Variants in ZMYND11 observed in about 807,000 individuals in gnomAD.
ZMYND11 encodes the protein zinc finger MYND domain-containing protein 11.
In ZMYND11, 9 loss-of-function variants were observed where a neutral mutation model predicts 84.9. The ratio of observed to expected loss-of-function variants is 0.11; its 90% CI spans 0.06 to 0.18. The LOEUF (loss-of-function observed/expected upper bound fraction) is 0.18. ZMYND11 is among the 10% of genes least tolerant of loss of function. ZMYND11 has a pLI of 1.00. For missense variants in ZMYND11, 409 were observed against 761.0 expected (o/e 0.54, Z 5.44); for synonymous variants, 250 against 244.1 (o/e 1.02, Z -0.23).
upstream of ZMYND11, among the ~76,000 whole-genome samples, chr10:133,309 T>C (rs1554750385): frequency 6.6e-6 from 1 of 152,250 alleles, no homozygotes; most frequent in Non-Finnish European, 1.5e-5. Flanking sequence ...ATTTCTTCTA[T>C]TGTACATTAT....
chr10:131,241 C>T (rs1488592313), upstream of ZMYND11, among the ~76,000 whole-genome samples: 1 of 152,228 alleles, frequency 6.6e-6, no homozygotes, highest in African/African-American at 2.4e-5. Context: ...CTTGAAAAGA[C>T]AGGATCCTAC....
intron 1 of ZMYND11, among the ~76,000 whole-genome samples, chr10:154,388 C>T (rs980047147): frequency 7.2e-5 from 11 of 152,112 alleles, no homozygotes; most frequent in Admixed American, 2.6e-4. Context: ...CCACCATAAA[C>T]GGCAAAATCA....
rs184515572 is a variant in ZMYND11, at chr10:203,397, T to C, written c.117-6492T>C. 3.9e-5 allele frequency among the ~76,000 whole-genome samples: 6 copies of C among 152,054 alleles called. No individual in the cohort carries two copies. In the East Asian group the frequency reaches 5.8e-4, roughly 15 times the overall value. ...ATATCTAGGAAAAACCCAAAAGATATGTACAAATCTTATGGATACAAATTA... is the reference window on the plus strand; with the variant it reads ...ATATCTAGGAAAAACCCAAAAGATACGTACAAATCTTATGGATACAAATTA... On this transcript the variant is annotated intron_variant, in intron 2 of 14. Coordinates refer to ENST00000381604, the MANE Select transcript of ZMYND11 (RefSeq NM_001370100.5).
chr10:165,903 A>G (rs1843895082), intron 1 of ZMYND11, among the ~76,000 whole-genome samples: 1 of 152,148 alleles, frequency 6.6e-6, no homozygotes, highest in African/African-American at 2.4e-5. Context: ...TAGTAATAAT[A>G]TAGATTTATA....
At chr10:134,561 T>C (rs1835457617), upstream of ZMYND11, 1 of 152,280 alleles carries the variant, frequency 6.6e-6, no homozygotes, top group African/African-American at 2.4e-5. Flanking sequence ...ACGGGGAACT[T>C]AGCGTATCCC....
At chr10:244,749 T>C (rs1344928536) in intron 10 of ZMYND11, 4 of 152,238 alleles carry the variant, frequency 2.6e-5, no homozygotes, top group African/African-American at 9.6e-5. Context: ...AAATTGCGGG[T>C]GTTTGCTTTT....
At position 237,589 on chromosome 10, in the gene ZMYND11, T is replaced by C. The variant is rs764863167; in HGVS notation, c.521T>C (p.Ile174Thr). The C allele has an allele frequency of 1.2e-5, 19 of 1,609,780 alleles. No individual in the cohort carries two copies. Among genetic ancestry groups the C allele is most frequent in the Middle Eastern group, 1.7e-4 (1 of 6,050 alleles). ...GATGTACTAACACCCTCTTAGGCTA[T>C]AGATCTTAATAAAAAGGGGAAGGAC... The part of the protein sequence containing the change: ...FIVSRMKERA[I>T]DLNKKGKDNK... Residue 174 changes from isoleucine (I) to threonine (T), a missense_variant, in exon 6 of 15, where the codon ATA becomes ACA. Physicochemically the swap from Ile to Thr is moderately conservative, Grantham distance 89 (BLOSUM62 -1). Coordinates refer to ENST00000381604, the MANE Select transcript of ZMYND11 (RefSeq NM_001370100.5).
At chr10:230,587 A>G (rs750413754) in intron 4 of ZMYND11, among the ~76,000 whole-genome samples, 2 of 151,540 alleles carry the variant, frequency 1.3e-5, no homozygotes, top group Non-Finnish European at 2.9e-5. Flanking sequence ...GTAGGTGGCT[A>G]TGCTCACTAA....
intron 1 of ZMYND11, among the ~76,000 whole-genome samples, chr10:145,359 T>C (rs1168545202): frequency 6.6e-6 from 1 of 152,098 alleles, no homozygotes; most frequent in Non-Finnish European, 1.5e-5. Flanking sequence ...AATAAACATA[T>C]GCACGCAGGT....
intron 1 of ZMYND11, among the ~76,000 whole-genome samples, chr10:137,036 T>G (rs1223571900): frequency 1.3e-5 from 2 of 152,112 alleles, no homozygotes; most frequent in East Asian, 3.8e-4. Context: ...TACATAGTGT[T>G]ATATATGGTG....
At chr10:160,377 G>C (rs1393075731) in intron 1 of ZMYND11, among the ~76,000 whole-genome samples, 2 of 152,216 alleles carry the variant, frequency 1.3e-5, no homozygotes, top group African/African-American at 4.8e-5. Flanking sequence ...GGGAATTGTG[G>C]TCTTTTTGCT....
At chr10:161,737 T>TC (rs1300655966) in intron 1 of ZMYND11, among the ~76,000 whole-genome samples, 2 of 152,216 alleles carry the variant, frequency 1.3e-5, no homozygotes, top group African/African-American at 2.4e-5. Flanking sequence ...TTCTGCAGCT[T>TC]CCTCACGTCT....
chr10:145,477 T>G (rs1457164348), intron 1 of ZMYND11, among the ~76,000 whole-genome samples: 1 of 152,054 alleles, frequency 6.6e-6, no homozygotes, highest in Non-Finnish European at 1.5e-5. Context: ...GTCCGTGCCG[T>G]TTTCTGTAGA....
In ZMYND11 at chr10:142,706, G is replaced by A. The variant is rs377344472; in HGVS notation, c.-20+7147G>A. On this transcript the variant is annotated intron_variant, in intron 1 of 14. Transcript: ENST00000381604. ...CACTTTTATAAGTCTGCAAAAGTACGTAATATTAACAAAGTGTAAAACTAT... is the reference window on the plus strand; with the variant it reads ...CACTTTTATAAGTCTGCAAAAGTACATAATATTAACAAAGTGTAAAACTAT... Among the ~76,000 whole-genome samples the A allele has an allele frequency of 7.9e-5, 12 of 152,118 alleles. 1 individual carries two copies. The highest frequency in any genetic ancestry group is 5.9e-4 in the Admixed American group (9 of 15,266).
In ZMYND11 at chr10:156,796, C is replaced by T. The variant is rs984537366; in HGVS notation, c.-20+21237C>T. On this transcript the variant is annotated intron_variant, in intron 1 of 14. Coordinates refer to ENST00000381604, the MANE Select transcript of ZMYND11 (RefSeq NM_001370100.5). ...TTTCATACATATCCAGGTCATGATT[C>T]TGAATACTTATTTAATAAAAACACA... is the stretch of plus-strand genomic sequence containing the variant. 5.9e-5 allele frequency among the ~76,000 whole-genome samples: 9 copies of T among 152,234 alleles called. No individual in the cohort carries two copies. The South Asian group carries it at 1.9e-3, about 32-fold the overall frequency.
In ZMYND11 at chr10:253,619, G is replaced by C. The variant is rs1018617675; in HGVS notation, c.*1149G>C. 1 of 152,574 alleles carries C rather than the reference G, an allele frequency of 6.6e-6. No homozygotes were observed. The highest frequency in any genetic ancestry group is 2.4e-5 in the African/African-American group (1 of 41,436). The allele number at this position is 152,574 out of a possible 1,614,324, so 9.5% of individuals were successfully genotyped here. A position where few individuals can be genotyped will look rare whatever the true frequency, so the allele number is the denominator to read the frequency against. On this transcript the variant is annotated 3_prime_UTR_variant, in exon 15 of 15. Coordinates refer to ENST00000381604, the MANE Select transcript of ZMYND11 (RefSeq NM_001370100.5). ...GTTGAATAATGATTTTTTATACATA[G>C]ATATATAAAATACAGCCAGGAAAAC...
chr10:238,382 A>G (rs1423757832), intron 6 of ZMYND11, among the ~76,000 whole-genome samples: 3 of 151,404 alleles, frequency 2.0e-5, no homozygotes, highest in Non-Finnish European at 2.9e-5. Context: ...TTTGAGACGG[A>G]GTCTCACTCT....
At position 252,088 on chromosome 10, in the gene ZMYND11, A is replaced by ATGAC. The variant is rs1361786863; in HGVS notation, c.1687-258_1687-255dup. ...GAGCATTTTAAGAAAAGAAACGGGA[A>ATGAC]TGACTCTCACAGAGATGGAAAAAAC... is the stretch of plus-strand genomic sequence containing the variant. On this transcript the variant is annotated intron_variant, in intron 14 of 14. Coordinates refer to ENST00000381604, the MANE Select transcript of ZMYND11 (RefSeq NM_001370100.5). The surrounding 1 kb of genome is among the most constrained non-coding windows in gnomAD (Gnocchi z 4.6). Among the ~76,000 whole-genome samples the ATGAC allele has an allele frequency of 2.6e-5, 4 of 152,168 alleles. No homozygotes were observed. The highest frequency in any genetic ancestry group is 1.3e-4 in the Admixed American group (2 of 15,276).
chr10:153,001 C>T (rs981054900), intron 1 of ZMYND11, among the ~76,000 whole-genome samples: 1 of 152,162 alleles, frequency 6.6e-6, no homozygotes. Context: ...TAAATTCATT[C>T]CTTTATTAAG....
Sources: gnomAD v4.1 joint callset for allele counts (sites outside exome capture counted in the v4.1 genomes callset) on GRCh38, gnomAD v4.1.1 for gene constraint, Gnocchi (gnomAD v3.1) non-coding constraint, MANE v1.5 for transcripts, NCBI Gene and HGNC (gene_info 2026-07-23, HGNC 2026-07-21) for gene names.